The following THSD7A variants were observed in gnomAD, a reference collection of about 807,000 sequenced individuals.
THSD7A encodes the protein thrombospondin type 1 domain containing 7A.
THSD7A carries 96 observed loss-of-function variants against 231.3 expected under a neutral mutation model. That is an observed-to-expected ratio of 0.41 (90% confidence interval 0.35 to 0.49). THSD7A has a LOEUF of 0.49. Ranked by LOEUF, THSD7A falls within the 20% of genes least tolerant of loss-of-function variation. The pLI, the probability that THSD7A is intolerant of heterozygous loss-of-function variation, is 0.05. For synonymous variants in THSD7A, 940 were observed against 743.3 expected, an observed-to-expected ratio of 1.26 and a Z score of -4.30; for missense variants, 2,290 against 2,070.2, an observed-to-expected ratio of 1.11 and a Z score of -2.06.
At chr7:11,718,014 C>G (rs932015179) in intron 1 of THSD7A, among the ~76,000 whole-genome samples, 19 of 151,584 alleles carry the variant, frequency 1.3e-4, no homozygotes, top group African/African-American at 4.1e-4. Context: ...AAACTAATCT[C>G]TATGCACAAA....
chr7:11,644,748 A>G (rs1226234757), intron 1 of THSD7A, among the ~76,000 whole-genome samples: 1 of 152,052 alleles, frequency 6.6e-6, no homozygotes, highest in African/African-American at 2.4e-5. Context: ...AGGATCTATT[A>G]TACTAAATAT....
In THSD7A at chr7:11,831,206, G is replaced by A. The variant is rs928436402; in HGVS notation, c.190+551C>T. ...GTACACTTTAAAAATCCTCCGACTC[G>A]CTAGTTAATAATTGAGTTTTCAGTC... On this transcript the variant is annotated intron_variant, in intron 1 of 27. Coordinates refer to ENST00000423059, the MANE Select transcript of THSD7A (RefSeq NM_015204.3). The surrounding 1 kb of genome is among the most constrained non-coding windows in gnomAD (Gnocchi z 5.0). 6.6e-6 allele frequency among the ~76,000 whole-genome samples: 1 copy of A among 152,162 alleles called. No individual in the cohort carries two copies. Among genetic ancestry groups the A allele is most frequent in the African/African-American group, 2.4e-5 (1 of 41,434 alleles).
chr7:11,654,516 T>C (rs967559800), intron 1 of THSD7A, among the ~76,000 whole-genome samples: 5 of 151,954 alleles, frequency 3.3e-5, no homozygotes, highest in Admixed American at 2.6e-4. Flanking sequence ...TATTCAAAAT[T>C]AGGGAGTCAG....
intron 23 of THSD7A, among the ~76,000 whole-genome samples, chr7:11,395,999 C>T (rs192784619): frequency 5.9e-4 from 89 of 152,130 alleles, no homozygotes; most frequent in African/African-American, 1.7e-3. Context: ...CACTCAAAAC[C>T]GCTCAACTAC....
rs907791707 is a variant in THSD7A at position 11,371,308 on chromosome 7, G to T, written c.*4486C>A. 1 of 152,142 alleles carries T rather than the reference G, an allele frequency of 6.6e-6. No homozygotes were observed. The highest frequency in any genetic ancestry group is 1.5e-5 in the Non-Finnish European group (1 of 68,042). 9.4% of individuals were successfully genotyped at this position (152,142 alleles called of 1,614,324 possible). A position where few individuals can be genotyped will look rare whatever the true frequency, so the allele number is the denominator to read the frequency against. ...ACCAGTTTCTGATACCTGAAATCCT[G>T]TCCTGCAGCCAGGGCCACCTGAGGG... is the stretch of plus-strand genomic sequence containing the variant. On this transcript the variant is annotated 3_prime_UTR_variant, in exon 28 of 28. Coordinates refer to ENST00000423059, the MANE Select transcript of THSD7A (RefSeq NM_015204.3).
At chr7:11,694,039 G>T (rs1189827343) in intron 1 of THSD7A, among the ~76,000 whole-genome samples, 1 of 151,408 alleles carries the variant, frequency 6.6e-6, no homozygotes, top group African/African-American at 2.4e-5. Context: ...TTTTCAGTTT[G>T]AGATTTAAAA....
chr7:11,583,911 TAGTG>T (rs1207482297), intron 4 of THSD7A, among the ~76,000 whole-genome samples: 1 of 152,192 alleles, frequency 6.6e-6, no homozygotes, highest in Non-Finnish European at 1.5e-5. Flanking sequence ...TTGGAATTCT[TAGTG>T]AGTCTTATTT....
At chr7:11,537,386 G>C (rs1479969066) in intron 6 of THSD7A, among the ~76,000 whole-genome samples, 3 of 152,172 alleles carry the variant, frequency 2.0e-5, no homozygotes, top group East Asian at 1.9e-4. Context: ...GGACGTGATT[G>C]GATCACAGGG....
intron 23 of THSD7A, among the ~76,000 whole-genome samples, chr7:11,395,972 G>C (rs2079165): frequency 0.28 from 42,916 of 151,908 alleles, 7,659 homozygotes; most frequent in African/African-American, 0.51. Flanking sequence ...CAAATTAGAA[G>C]TCAGGATTAA....
At chr7:11,418,763 G>T (rs1235875529) in intron 16 of THSD7A, among the ~76,000 whole-genome samples, 1 of 151,902 alleles carries the variant, frequency 6.6e-6, no homozygotes, top group Non-Finnish European at 1.5e-5. Flanking sequence ...CTGTGTTGTT[G>T]GTCATGTCTT....
chr7:11,815,954 T>C (rs973880618), intron 1 of THSD7A, among the ~76,000 whole-genome samples: 1 of 152,138 alleles, frequency 6.6e-6, no homozygotes, highest in African/African-American at 2.4e-5. Flanking sequence ...TTCACAACTG[T>C]TCCTTCTCTG....
At chr7:11,631,807 G>C (rs1032433003) in intron 2 of THSD7A, among the ~76,000 whole-genome samples, 3 of 152,172 alleles carry the variant, frequency 2.0e-5, no homozygotes, top group African/African-American at 7.2e-5. Flanking sequence ...GGAACTTTTA[G>C]ATAAGCAACA....
At chr7:11,802,477 C>T (rs1784303469) in intron 1 of THSD7A, among the ~76,000 whole-genome samples, 1 of 152,000 alleles carries the variant, frequency 6.6e-6, no homozygotes. Flanking sequence ...CAAGGAGGGA[C>T]ATGGTAAGAA....
chr7:11,808,144 T>A (rs1212845440), intron 1 of THSD7A, among the ~76,000 whole-genome samples: 1 of 99,618 alleles, frequency 1.0e-5, no homozygotes, highest in African/African-American at 3.1e-5. Flanking sequence ...CAGGGCAGTT[T>A]AGAAAGAGAC....
chr7:11,775,144 AAAG>A (rs1362630969), intron 1 of THSD7A, among the ~76,000 whole-genome samples: 1 of 152,192 alleles, frequency 6.6e-6, no homozygotes, highest in Non-Finnish European at 1.5e-5. Context: ...TAAAAAGAAA[AAAG>A]AAATCAACAC....
At chr7:11,587,914 G>A (rs1016743058) in intron 4 of THSD7A, among the ~76,000 whole-genome samples, 4 of 151,978 alleles carry the variant, frequency 2.6e-5, no homozygotes, top group South Asian at 2.1e-4. Flanking sequence ...TTTGTGTTAG[G>A]GTCTTTTTCA....
chr7:11,760,494 G>A (rs189418518), intron 1 of THSD7A, among the ~76,000 whole-genome samples: 41 of 152,140 alleles, frequency 2.7e-4, no homozygotes, highest in East Asian at 9.7e-4. Flanking sequence ...TTATGTGAAC[G>A]CAAAGTAACA....
chr7:11,533,921 G>C (rs1006202663), intron 6 of THSD7A, among the ~76,000 whole-genome samples: 7 of 152,148 alleles, frequency 4.6e-5, no homozygotes, highest in African/African-American at 1.7e-4. Context: ...GGCAGAAATG[G>C]CTGAATGCTT....
intron 1 of THSD7A, among the ~76,000 whole-genome samples, chr7:11,794,823 T>A (rs1784074494): frequency 6.6e-6 from 1 of 152,030 alleles, no homozygotes; most frequent in Non-Finnish European, 1.5e-5. Flanking sequence ...GCAAATTCTT[T>A]ATGTCAGAGC....
Sources: gnomAD v4.1 joint callset for allele counts (sites outside exome capture counted in the v4.1 genomes callset) on GRCh38, gnomAD v4.1.1 for gene constraint, Gnocchi (gnomAD v3.1) non-coding constraint, MANE v1.5 for transcripts, NCBI Gene and HGNC (gene_info 2026-07-23, HGNC 2026-07-21) for gene names.